The following PARD3B variants were observed in gnomAD, a reference collection of about 807,000 sequenced individuals.
PARD3B encodes partitioning defective 3 homolog B.
In PARD3B, 103 loss-of-function variants were observed where a neutral mutation model predicts 130.2. The observed-to-expected ratio is 0.79, with a 90% confidence interval of 0.67 to 0.93. The LOEUF (loss-of-function observed/expected upper bound fraction) is 0.93. PARD3B is among the 40% of genes least tolerant of loss of function. The probability of loss-of-function intolerance (pLI) is 0.00; values close to 1 mark genes in which losing one functional copy is unlikely to be tolerated. For missense variants in PARD3B, 1,609 were observed against 1,499.2 expected (o/e 1.07, Z -1.21); for synonymous variants, 583 against 553.2 (o/e 1.05, Z -0.76).
rs5837960 is a variant in PARD3B, at chr2:205,191,075, GAA to G, written c.2025-2115_2025-2114del. On this transcript the variant is annotated intron_variant, in intron 14 of 22. Coordinates refer to ENST00000406610, the MANE Select transcript of PARD3B (RefSeq NM_001302769.2). ...GTACCCAGACACCAGGAAAGAAATA[GAA>G]AAAAAAAAAAAAAAGGCTACATAAC... is the stretch of plus-strand genomic sequence containing the variant. Among the ~76,000 whole-genome samples, 586 of 97,716 alleles carry G rather than the reference GAA, an allele frequency of 6.0e-3. 4 individuals are homozygous for G. Among genetic ancestry groups the G allele is most frequent in the African/African-American group, 0.018 (521 of 28,318 alleles). The allele number at this position is 97,716 out of a possible 152,430, so 64.1% of individuals were successfully genotyped here. A position where few individuals can be genotyped will look rare whatever the true frequency, so the allele number is the denominator to read the frequency against.
chr2:204,935,594 G>C (rs1688391056), intron 2 of PARD3B, among the ~76,000 whole-genome samples: 1 of 151,372 alleles, frequency 6.6e-6, no homozygotes, highest in Admixed American at 6.6e-5. Context: ...TACATATATA[G>C]TATGTATTAT....
intron 1 of PARD3B, among the ~76,000 whole-genome samples, chr2:204,557,720 G>A (rs968713128): frequency 6.6e-6 from 1 of 152,158 alleles, no homozygotes; most frequent in African/African-American, 2.4e-5. Flanking sequence ...ATCTTGAAAT[G>A]CCTTATCATC....
In PARD3B at chr2:204,664,929, A is replaced by T. The variant is rs1438816895; in HGVS notation, c.121-21252A>T. 6.6e-6 allele frequency among the ~76,000 whole-genome samples: 1 copy of T among 152,162 alleles called. No homozygotes were observed. The highest frequency in any genetic ancestry group is 1.5e-5 in the Non-Finnish European group (1 of 68,032). On this transcript the variant is annotated intron_variant, in intron 1 of 22. Transcript: ENST00000406610. The surrounding 1 kb of genome is among the most constrained non-coding windows in gnomAD (Gnocchi z 5.2). ...CATTAGTTTAAAAGCCTAGCATTTA[A>T]TAGGAACTTTGGCATATGTAAATAT...
chr2:205,437,309 C>A (rs559230798), intron 19 of PARD3B, among the ~76,000 whole-genome samples: 3 of 152,256 alleles, frequency 2.0e-5, no homozygotes, highest in African/African-American at 7.2e-5. Context: ...TTATTATCAT[C>A]TCTTATTAGA....
chr2:204,698,198 G>A (rs192553768), intron 2 of PARD3B, among the ~76,000 whole-genome samples: 1 of 152,136 alleles, frequency 6.6e-6, no homozygotes, highest in East Asian at 1.9e-4. Flanking sequence ...GATTGTCGTT[G>A]GTTACCCTGT....
intron 3 of PARD3B, among the ~76,000 whole-genome samples, chr2:205,012,224 C>T (rs911097371): frequency 6.6e-6 from 1 of 152,120 alleles, no homozygotes. Context: ...CTCATTTTCT[C>T]CTGGTTTTCT....
At chr2:205,487,887 T>C (rs1294497300) in intron 20 of PARD3B, among the ~76,000 whole-genome samples, 2 of 150,964 alleles carry the variant, frequency 1.3e-5, no homozygotes, top group African/African-American at 5.0e-5. Flanking sequence ...TGAGAAGGCG[T>C]GAGTGTGTGC....
At chr2:204,909,412 T>G (rs1468101220) in intron 2 of PARD3B, among the ~76,000 whole-genome samples, 1 of 152,204 alleles carries the variant, frequency 6.6e-6, no homozygotes. Context: ...TGGTAATATA[T>G]GCTACATATT....
chr2:205,226,288 G>A (rs1265941782), intron 15 of PARD3B, among the ~76,000 whole-genome samples: 10 of 152,042 alleles, frequency 6.6e-5, no homozygotes, highest in Admixed American at 2.0e-4. Context: ...TGATCCGCCC[G>A]CCTTGGCCTC....
intron 22 of PARD3B, among the ~76,000 whole-genome samples, chr2:205,570,586 T>C (rs2053526613): frequency 1.3e-5 from 2 of 152,226 alleles, no homozygotes; most frequent in South Asian, 4.1e-4. Context: ...GGATGCTGCC[T>C]TTTGGTCTGC....
chr2:205,037,106 GTA>G (rs1206161943), intron 3 of PARD3B, among the ~76,000 whole-genome samples: 5 of 128,694 alleles, frequency 3.9e-5, no homozygotes, highest in African/African-American at 1.4e-4. Flanking sequence ...ATAGCGGACT[GTA>G]TATATAAAAC....
At chr2:204,621,991 G>C (rs1446149745) in intron 1 of PARD3B, among the ~76,000 whole-genome samples, 2 of 152,080 alleles carry the variant, frequency 1.3e-5, no homozygotes, top group Non-Finnish European at 2.9e-5. Flanking sequence ...CTCTGACATA[G>C]GTCTAGTATT....
chr2:204,978,233 G>T (rs886206593), intron 3 of PARD3B, among the ~76,000 whole-genome samples: 30 of 152,152 alleles, frequency 2.0e-4, no homozygotes, highest in African/African-American at 6.5e-4. Context: ...TCTGAGGTGA[G>T]ATTTTTCTAC....
chr2:204,708,043 G>A (rs149119908), intron 2 of PARD3B, among the ~76,000 whole-genome samples: 2 of 152,276 alleles, frequency 1.3e-5, no homozygotes, highest in East Asian at 3.9e-4. Flanking sequence ...GCAGGATGAG[G>A]ATAGAACTCA....
chr2:205,418,585 A>T (rs1287569720), intron 19 of PARD3B, among the ~76,000 whole-genome samples: 2 of 152,216 alleles, frequency 1.3e-5, no homozygotes, highest in South Asian at 4.1e-4. Flanking sequence ...ATCACCCAGT[A>T]TTTCCAGACA....
In PARD3B at chr2:204,776,768, C is replaced by T. The variant is rs577536148; in HGVS notation, c.222+90486C>T. 2.0e-5 allele frequency among the ~76,000 whole-genome samples: 3 copies of T among 151,974 alleles called. No individual in the cohort carries two copies. In the South Asian group the frequency reaches 6.2e-4, roughly 32 times the overall value. ...GGAATTCGGATATTTGGGGGTTTGC[C>T]TTCAAGAAAAATGATGCCTCTTCTC... On this transcript the variant is annotated intron_variant, in intron 2 of 22. Transcript: ENST00000406610.
chr2:205,029,904 G>A (rs950188401), intron 3 of PARD3B, among the ~76,000 whole-genome samples: 1 of 152,140 alleles, frequency 6.6e-6, no homozygotes, highest in African/African-American at 2.4e-5. Context: ...CAAACCAATA[G>A]GGAGTTGCAA....
At chr2:205,528,089 G>A (rs918055) in intron 21 of PARD3B, among the ~76,000 whole-genome samples, 68,874 of 151,910 alleles carry the variant, frequency 0.45, 17,146 homozygotes, top group Middle Eastern at 0.64. Context: ...CAGAAGCTAG[G>A]TTAGACAGCA....
intron 2 of PARD3B, among the ~76,000 whole-genome samples, chr2:204,795,896 A>T (rs1235196808): frequency 6.6e-6 from 1 of 152,210 alleles, no homozygotes; most frequent in Non-Finnish European, 1.5e-5. Flanking sequence ...TGTATAACAT[A>T]TGAATCCTGT....
Sources: allele counts gnomAD v4.1 joint callset (sites outside exome capture counted in the v4.1 genomes callset), GRCh38; gene constraint gnomAD v4.1.1; non-coding constraint Gnocchi (gnomAD v3.1); transcripts MANE v1.5; gene names NCBI Gene and HGNC (gene_info 2026-07-23, HGNC 2026-07-21).